HERC4: variants seen among roughly 807,000 people sequenced by gnomAD.
HERC4 encodes probable E3 ubiquitin-protein ligase HERC4.
A neutral mutation model predicts 124.3 loss-of-function variants in HERC4; 28 were observed. The observed-to-expected ratio is 0.23, with a 90% CI of 0.17 to 0.31. The LOEUF (loss-of-function observed/expected upper bound fraction) is 0.31. Among genes scored for constraint, HERC4 ranks in the 10% least tolerant of loss-of-function variants. The pLI is 1.00. For missense variants in HERC4, 713 were observed against 1,229.3 expected, an observed-to-expected ratio of 0.58 and a Z score of 6.28; for synonymous variants, 407 against 421.5, an observed-to-expected ratio of 0.97 and a Z score of 0.42.
intron 3 of HERC4, chr10:68,067,583 T>G (rs1479557836): frequency 6.6e-6 from 1 of 152,204 alleles, no homozygotes; most frequent in Non-Finnish European, 1.5e-5. Context: ...CTTTTTAAAT[T>G]TCAACTATAT....
chr10:67,928,766 T>TA (rs1564913478), intron 23 of HERC4, among the ~76,000 whole-genome samples: 2 of 151,660 alleles, frequency 1.3e-5, no homozygotes, highest in East Asian at 3.9e-4. Context: ...ACTAAAAAAA[T>TA]AAAAAAATCA....
At chr10:67,998,563 A>AGGGG (rs58245126) in intron 9 of HERC4, among the ~76,000 whole-genome samples, 80 of 130,860 alleles carry the variant, frequency 6.1e-4, no homozygotes, top group Non-Finnish European at 9.1e-4. Flanking sequence ...AAAAAAAAAA[A>AGGGG]GGGGGGGGGG....
chr10:68,027,026 T>C (rs2038939482), intron 7 of HERC4, among the ~76,000 whole-genome samples: 1 of 152,066 alleles, frequency 6.6e-6, no homozygotes, highest in Non-Finnish European at 1.5e-5. Context: ...AAACATATAA[T>C]ATATAACTAA....
chr10:67,995,673 T>G (rs1293524198), intron 9 of HERC4, among the ~76,000 whole-genome samples: 2 of 152,186 alleles, frequency 1.3e-5, no homozygotes, highest in Non-Finnish European at 2.9e-5. Context: ...TTGCTTAATT[T>G]TGACTCACAG....
chr10:68,051,505 C>T (rs558259591), intron 3 of HERC4, among the ~76,000 whole-genome samples: 46 of 150,426 alleles, frequency 3.1e-4, no homozygotes, highest in Non-Finnish European at 5.7e-4. Context: ...CCACCATGCC[C>T]AGCTAGTTTT....
intron 15 of HERC4, among the ~76,000 whole-genome samples, chr10:67,977,686 A>G (rs2035677651): frequency 2.0e-5 from 3 of 152,200 alleles, no homozygotes; most frequent in Admixed American, 2.0e-4. Flanking sequence ...CAAGCTGACT[A>G]AAGAGCCCTT....
chr10:67,972,254 G>A (rs1321066749), intron 15 of HERC4, among the ~76,000 whole-genome samples: 1 of 149,692 alleles, frequency 6.7e-6, no homozygotes, highest in Non-Finnish European at 1.5e-5. Flanking sequence ...AGGCACGGTG[G>A]CTCACACCGG....
intron 23 of HERC4, among the ~76,000 whole-genome samples, chr10:67,927,412 ATATATATATATATATATAT>A (rs1172456885): frequency 8.9e-4 from 8 of 9,024 alleles, no homozygotes; most frequent in African/African-American, 3.0e-3. Context: ...ATATATATAT[ATATATATATATATATATAT>A]TTTTTTTTTT....
At chr10:68,022,350 T>C (rs569114769) in intron 8 of HERC4, among the ~76,000 whole-genome samples, 2 of 151,872 alleles carry the variant, frequency 1.3e-5, no homozygotes, top group East Asian at 3.9e-4. Flanking sequence ...AAACACAAAA[T>C]TAGTCGGGCA....
chr10:68,051,410 T>A (rs1303264850), intron 3 of HERC4, among the ~76,000 whole-genome samples: 1 of 148,888 alleles, frequency 6.7e-6, no homozygotes, highest in East Asian at 2.0e-4. Context: ...AGTGGCACGA[T>A]CTTGGCTCAC....
chr10:68,019,976 C>T (rs1053057359), intron 8 of HERC4, among the ~76,000 whole-genome samples: 1 of 152,166 alleles, frequency 6.6e-6, no homozygotes, highest in African/African-American at 2.4e-5. Context: ...ACTCTCCTTC[C>T]ACCCCCACCT....
At chr10:68,006,036 T>C (rs967518933) in intron 9 of HERC4, among the ~76,000 whole-genome samples, 4 of 152,192 alleles carry the variant, frequency 2.6e-5, no homozygotes, top group Admixed American at 2.6e-4. Flanking sequence ...CAAAAACAAA[T>C]AAGCAAAGAG....
At chr10:67,982,591 C>G (rs888023672) in intron 15 of HERC4, among the ~76,000 whole-genome samples, 19 of 152,082 alleles carry the variant, frequency 1.2e-4, no homozygotes, top group African/African-American at 4.1e-4. Flanking sequence ...GCCCCACAAG[C>G]ACATGCAACC....
At chr10:68,070,477 G>A (rs898419667) in intron 3 of HERC4, 4 of 171,692 alleles carry the variant, frequency 2.3e-5, no homozygotes, top group Non-Finnish European at 3.7e-5. Flanking sequence ...ATTGTGGTGG[G>A]CGCCTGTAAT....
intron 4 of HERC4, among the ~76,000 whole-genome samples, chr10:68,043,407 T>G (rs548128907): frequency 6.6e-6 from 1 of 152,350 alleles, no homozygotes; most frequent in East Asian, 1.9e-4. Context: ...AGAATTTGTG[T>G]AAATTTTAAA....
intron 3 of HERC4, among the ~76,000 whole-genome samples, chr10:68,051,944 C>T (rs550634287): frequency 2.0e-5 from 3 of 152,146 alleles, no homozygotes; most frequent in Non-Finnish European, 2.9e-5. Flanking sequence ...GTTGAGATTA[C>T]AGGCATGAGC....
chr10:67,949,356 T>C (rs1589157900), intron 19 of HERC4, among the ~76,000 whole-genome samples: 2 of 152,232 alleles, frequency 1.3e-5, no homozygotes, highest in South Asian at 2.1e-4. Context: ...CTACCAAACA[T>C]TTAAAGGAGA....
chr10:68,062,750 A>G (rs1046608227), intron 3 of HERC4, among the ~76,000 whole-genome samples: 10 of 151,386 alleles, frequency 6.6e-5, no homozygotes, highest in Admixed American at 5.9e-4. Flanking sequence ...ACAGAATGAG[A>G]CTCCATCTCA....
intron 3 of HERC4, chr10:68,068,743 C>G (rs1589478483): frequency 6.6e-6 from 1 of 152,140 alleles, no homozygotes; most frequent in East Asian, 1.9e-4. Context: ...AACAAATATT[C>G]TTTTACCTTC....
Sources: gnomAD v4.1 joint callset for allele counts (sites outside exome capture counted in the v4.1 genomes callset) on GRCh38, gnomAD v4.1.1 for gene constraint, MANE v1.5 for transcripts, NCBI Gene and HGNC (gene_info 2026-07-23, HGNC 2026-07-21) for gene names.